Variants in OTULINL observed in about 807,000 individuals in gnomAD.
The protein encoded by OTULINL is inactive ubiquitin thioesterase OTULINL.
In OTULINL, 42 loss-of-function variants were observed where a neutral mutation model predicts 43.9. The ratio of observed to expected loss-of-function variants is 0.96; its 90% CI spans 0.75 to 1.24. The LOEUF is 1.24. OTULINL is among the 50% of genes most tolerant of loss of function. The pLI, the probability that OTULINL is intolerant of heterozygous loss-of-function variation, is 0.00. For synonymous variants in OTULINL, 172 were observed against 153.6 expected, an observed-to-expected ratio of 1.12 and a Z score of -0.88; for missense variants, 411 against 426.4, an observed-to-expected ratio of 0.96 and a Z score of 0.32.
Position 14,581,931 on chromosome 5 carries a change from C to A in OTULINL, c.37C>A (p.Arg13=). The part of the protein sequence containing the change: ...ATRSPTRARE[R]ERSGAPAAGS... ...AAGGAGCCCCACGCGGGCAAGGGAG[C>A]GGGAGCGGTCTGGCGCTCCCGCCGC... Residue 13 remains arginine (R), a synonymous_variant, in exon 1 of 8, where the codon CGG becomes AGG. Transcript: ENST00000274217. 7.2e-7 allele frequency: 1 copy of A among 1,394,004 alleles called. No individual in the cohort carries two copies. The highest frequency in any genetic ancestry group is 1.5e-5 in the South Asian group (1 of 67,114). The allele number at this position is 1,394,004 out of a possible 1,614,324, so 86.4% of individuals were successfully genotyped here.
At position 14,611,960 on chromosome 5, in the gene OTULINL, G is replaced by A. The variant is rs1309305307; in HGVS notation, c.*1646G>A. ...TCTTTTGCAATGGGGATGATCAGTCGTGTGTACTACATGAACCATGTCTGA... is the reference window on the plus strand; with the variant it reads ...TCTTTTGCAATGGGGATGATCAGTCATGTGTACTACATGAACCATGTCTGA... On this transcript the variant is annotated 3_prime_UTR_variant, in exon 8 of 8. Transcript: ENST00000274217. The A allele has an allele frequency of 6.6e-6, 1 of 152,144 alleles. No individual in the cohort carries two copies. The highest frequency in any genetic ancestry group is 6.6e-5 in the Admixed American group (1 of 15,258). 9.4% of individuals were successfully genotyped at this position (152,144 alleles called of 1,614,324 possible). A position where few individuals can be genotyped will look rare whatever the true frequency, so the allele number is the denominator to read the frequency against.
chr5:14,602,365 CATGTTGACAATAACTGCA>C (rs1759403822), intron 5 of OTULINL, 33 bp downstream of exon 5: 2 of 1,596,992 alleles, frequency 1.3e-6, no homozygotes, highest in Non-Finnish European at 1.7e-6. Context: ...TGGGAAATGT[CATGTTGACAATAACTGCA>C]ACTCAGACTC....
intron 1 of OTULINL, among the ~76,000 whole-genome samples, chr5:14,588,930 A>G (rs1180562646): frequency 6.6e-6 from 1 of 152,218 alleles, no homozygotes; most frequent in Non-Finnish European, 1.5e-5. Context: ...TTATCTGAGT[A>G]GCCATGTGCC....
Position 14,612,608 on chromosome 5 carries a change from A to G in OTULINL, c.*2294A>G, listed in dbSNP as rs1476819947. 1 of 152,236 alleles carries G rather than the reference A, an allele frequency of 6.6e-6. No homozygotes were observed. Among genetic ancestry groups the G allele is most frequent in the South Asian group, 2.1e-4 (1 of 4,834 alleles). The allele number at this position is 152,236 out of a possible 1,614,324, so 9.4% of individuals were successfully genotyped here. ...GTTTTGTTTGTTTTTATTCAGTTGT[A>G]TAATGAATATAACAAATTAAGTAGC... On this transcript the variant is annotated 3_prime_UTR_variant, in exon 8 of 8. Coordinates refer to ENST00000274217, the MANE Select transcript of OTULINL (RefSeq NM_019018.3).
In OTULINL at chr5:14,613,149, T is replaced by C. The variant is rs180730570; in HGVS notation, c.*2835T>C. Among the ~76,000 whole-genome samples, 28 of 152,304 alleles carry C rather than the reference T, an allele frequency of 1.8e-4. No homozygotes were observed. In the East Asian group the frequency reaches 4.6e-3, roughly 25 times the overall value. On this transcript the variant is annotated 3_prime_UTR_variant, in exon 8 of 8. Coordinates refer to ENST00000274217, the MANE Select transcript of OTULINL (RefSeq NM_019018.3). ...ATTTAGCCAGGCTGATCTGAACTCC[T>C]GACCTTGGGCGATCCGCCTACCTCG... is the stretch of plus-strand genomic sequence containing the variant.
chr5:14,603,978 G>T (rs1759430985), intron 5 of OTULINL, among the ~76,000 whole-genome samples: 1 of 152,078 alleles, frequency 6.6e-6, no homozygotes, highest in Non-Finnish European at 1.5e-5. Context: ...TCTAGCAAAT[G>T]CTTGTCAAAT....
At chr5:14,585,598 G>A (rs959794060) in intron 1 of OTULINL, among the ~76,000 whole-genome samples, 1 of 152,164 alleles carries the variant, frequency 6.6e-6, no homozygotes, top group African/African-American at 2.4e-5. Flanking sequence ...CTGTGTGCCT[G>A]TAGCACCCAG....
At chr5:14,602,387 C>G (rs1759404118) in intron 5 of OTULINL, 55 bp downstream of exon 5, 2 of 1,526,164 alleles carry the variant, frequency 1.3e-6, no homozygotes, top group African/African-American at 1.4e-5. Context: ...AACTGCAACT[C>G]AGACTCCTAG....
intron 7 of OTULINL, 70 bp from the exon 8 acceptor site, chr5:14,610,070 TC>T (rs34860248): frequency 2.2e-6 from 3 of 1,351,434 alleles, no homozygotes; most frequent in African/African-American, 1.4e-5. Flanking sequence ...GAGGAACACT[TC>T]CCCCCACCGT....
chr5:14,603,932 C>G (rs985012411), intron 5 of OTULINL, among the ~76,000 whole-genome samples: 1 of 152,078 alleles, frequency 6.6e-6, no homozygotes, highest in Non-Finnish European at 1.5e-5. Flanking sequence ...TTCTTAATAT[C>G]TTTTATTTAA....
chr5:14,594,159 A>G (rs185796929), intron 1 of OTULINL, among the ~76,000 whole-genome samples: 1 of 152,320 alleles, frequency 6.6e-6, no homozygotes, highest in African/African-American at 2.4e-5. Context: ...CAACTAATCT[A>G]TGATTTTGCA....
rs1455502645 is a variant in OTULINL at position 14,615,778 on chromosome 5, A to G, written c.*5464A>G. ...AAATTAATTTTTCCATTTGGTGTGTATTTCACAGGGTAACAATGAAGTGCT... is the reference window on the plus strand; with the variant it reads ...AAATTAATTTTTCCATTTGGTGTGTGTTTCACAGGGTAACAATGAAGTGCT... On this transcript the variant is annotated 3_prime_UTR_variant, in exon 8 of 8. Coordinates refer to ENST00000274217, the MANE Select transcript of OTULINL (RefSeq NM_019018.3). Among the ~76,000 whole-genome samples, 2 of 152,184 alleles carry G rather than the reference A, an allele frequency of 1.3e-5. No individual in the cohort carries two copies. Among genetic ancestry groups the G allele is most frequent in the African/African-American group, 2.4e-5 (1 of 41,440 alleles).
chr5:14,598,953 A>G (rs1229109021), intron 1 of OTULINL, among the ~76,000 whole-genome samples: 1 of 152,230 alleles, frequency 6.6e-6, no homozygotes, highest in Non-Finnish European at 1.5e-5. Context: ...AAGCTTCACT[A>G]AAAATATTTG....
rs1759057659 is a variant in OTULINL, at chr5:14,583,714, C to T, written c.64+1756C>T. The stretch of plus-strand genomic sequence containing the variant: ...AACTTTTTTCTCCAAAACATAACTT[C>T]TGATGACTTACAAGCATAGTTTCCC... On this transcript the variant is annotated intron_variant, in intron 1 of 7. Coordinates refer to ENST00000274217, the MANE Select transcript of OTULINL (RefSeq NM_019018.3). Among the ~76,000 whole-genome samples, 3 of 152,306 alleles carry T rather than the reference C, an allele frequency of 2.0e-5. No individual in the cohort carries two copies. The South Asian group carries it at 6.2e-4, about 32-fold the overall frequency.
intron 6 of OTULINL, among the ~76,000 whole-genome samples, chr5:14,607,692 A>G (rs565657262): frequency 6.6e-6 from 1 of 152,174 alleles, no homozygotes; most frequent in Non-Finnish European, 1.5e-5. Context: ...GGGGGCTTCT[A>G]TGGGCCGGCC....
chr5:14,596,741 A>G (rs1159666063), intron 1 of OTULINL, among the ~76,000 whole-genome samples: 1 of 152,164 alleles, frequency 6.6e-6, no homozygotes, highest in Non-Finnish European at 1.5e-5. Context: ...AAACAAGTTT[A>G]TTCCTGCAGT....
chr5:14,605,205 G>A (rs901895163), intron 5 of OTULINL, among the ~76,000 whole-genome samples: 10 of 152,202 alleles, frequency 6.6e-5, no homozygotes, highest in Non-Finnish European at 1.0e-4. Flanking sequence ...CCAACACCAC[G>A]TGGAAGCTGT....
rs1759612294 is a variant in OTULINL, at chr5:14,613,282, A to G, written c.*2968A>G. Among the ~76,000 whole-genome samples, 1 of 152,132 alleles carries G rather than the reference A, an allele frequency of 6.6e-6. No individual in the cohort carries two copies. The highest frequency in any genetic ancestry group is 2.1e-4 in the South Asian group (1 of 4,830). On this transcript the variant is annotated 3_prime_UTR_variant, in exon 8 of 8. Coordinates refer to ENST00000274217, the MANE Select transcript of OTULINL (RefSeq NM_019018.3). ...TTCACATTGTTGTGCAACCCTCACC[A>G]CCATCCACCCTCAGAACTTTTTAAA...
chr5:14,593,400 C>A (rs983019737), intron 1 of OTULINL, among the ~76,000 whole-genome samples: 4 of 152,150 alleles, frequency 2.6e-5, no homozygotes, highest in Admixed American at 2.0e-4. Context: ...TTCTTGGGGT[C>A]ATCAAGGCTA....
Sources: allele counts gnomAD v4.1 joint callset (sites outside exome capture counted in the v4.1 genomes callset), GRCh38; gene constraint gnomAD v4.1.1; transcripts MANE v1.5; gene names NCBI Gene and HGNC (gene_info 2026-07-23, HGNC 2026-07-21).